PCSK5: variants seen among roughly 807,000 people sequenced by gnomAD.
PCSK5 encodes prohormone convertase 5.
PCSK5 carries 129 observed loss-of-function variants against 233.2 expected under a neutral mutation model. The observed-to-expected ratio is 0.55, with a 90% CI of 0.48 to 0.64. PCSK5 has a LOEUF of 0.64. Among genes scored for constraint, PCSK5 ranks in the 30% least tolerant of loss-of-function variants. PCSK5 has a pLI of 0.00. For synonymous variants in PCSK5, 825 were observed against 879.2 expected, an observed-to-expected ratio of 0.94 and a Z score of 1.09; for missense variants, 2,076 against 2,430.1, an observed-to-expected ratio of 0.85 and a Z score of 3.06.
chr9:76,351,513 A>AAGG (rs1830146479), intron 36 of PCSK5, among the ~76,000 whole-genome samples: 12 of 119,874 alleles, frequency 1.0e-4, no homozygotes, highest in East Asian at 5.3e-4. Flanking sequence ...AGAAAGAAAG[A>AAGG]AAGAAAGAAA....
chr9:76,257,543 G>T (rs1827023876), intron 24 of PCSK5, among the ~76,000 whole-genome samples: 1 of 152,134 alleles, frequency 6.6e-6, no homozygotes, highest in Non-Finnish European at 1.5e-5. Context: ...TTTCCACAAA[G>T]TCTCTCTGCA....
intron 28 of PCSK5, among the ~76,000 whole-genome samples, chr9:76,304,115 T>C (rs1385727420): frequency 2.0e-5 from 3 of 152,260 alleles, no homozygotes; most frequent in African/African-American, 7.2e-5. Context: ...AAGGTTGCAG[T>C]GAGCCAAGAT....
intron 5 of PCSK5, among the ~76,000 whole-genome samples, chr9:76,061,710 CAAAT>C (rs1353337368): frequency 6.6e-6 from 1 of 151,940 alleles, no homozygotes; most frequent in Non-Finnish European, 1.5e-5. Flanking sequence ...TTTTATATCT[CAAAT>C]TATCTAAAAG....
intron 35 of PCSK5, among the ~76,000 whole-genome samples, chr9:76,350,538 T>A (rs1830094306): frequency 6.6e-6 from 1 of 152,230 alleles, no homozygotes; most frequent in African/African-American, 2.4e-5. Flanking sequence ...GAATAAAGGT[T>A]TTATAAACTT....
At chr9:76,125,782 A>G (rs1647086085) in intron 9 of PCSK5, among the ~76,000 whole-genome samples, 1 of 152,204 alleles carries the variant, frequency 6.6e-6, no homozygotes, top group African/African-American at 2.4e-5. Context: ...AAAGAAGCTC[A>G]AGGCTTCCAA....
At chr9:76,317,486 C>A (rs1014953439) in intron 30 of PCSK5, among the ~76,000 whole-genome samples, 1 of 152,186 alleles carries the variant, frequency 6.6e-6, no homozygotes, top group Non-Finnish European at 1.5e-5. Context: ...AATGATTAAA[C>A]GTGTGAGTGC....
chr9:76,122,753 T>A (rs1366771638), intron 9 of PCSK5, among the ~76,000 whole-genome samples: 1 of 151,994 alleles, frequency 6.6e-6, no homozygotes, highest in African/African-American at 2.4e-5. Context: ...TATGTTTTTC[T>A]CCTGACATAA....
chr9:76,033,899 A>G (rs1479521795), intron 5 of PCSK5, among the ~76,000 whole-genome samples: 1 of 152,096 alleles, frequency 6.6e-6, no homozygotes, highest in Non-Finnish European at 1.5e-5. Context: ...TCTTAACACC[A>G]ACATGTTAGG....
chr9:76,342,856 C>A (rs1239713274), intron 35 of PCSK5, among the ~76,000 whole-genome samples: 1 of 152,122 alleles, frequency 6.6e-6, no homozygotes, highest in Non-Finnish European at 1.5e-5. Flanking sequence ...GGCCATTACC[C>A]TCTGCTCCTC....
intron 33 of PCSK5, among the ~76,000 whole-genome samples, chr9:76,331,855 G>C (rs1239584643): frequency 6.6e-6 from 1 of 152,160 alleles, no homozygotes; most frequent in African/African-American, 2.4e-5. Context: ...CCCTCCTAGA[G>C]CCTCTAAAAG....
intron 14 of PCSK5, 98 bp downstream of exon 14, chr9:76,175,227 G>A (rs77068135): frequency 1.9e-4 from 133 of 699,776 alleles, no homozygotes; most frequent in African/African-American, 7.4e-4. Flanking sequence ...GAATGAAATG[G>A]AATGGAATGA....
intron 12 of PCSK5, among the ~76,000 whole-genome samples, chr9:76,169,349 A>T (rs1823229244): frequency 6.6e-6 from 1 of 152,102 alleles, no homozygotes; most frequent in Admixed American, 6.6e-5. Flanking sequence ...GCCTCGTATC[A>T]TTTTGCACTC....
chr9:76,010,115 G>A (rs1190205702), intron 3 of PCSK5, among the ~76,000 whole-genome samples: 2 of 152,128 alleles, frequency 1.3e-5, no homozygotes, highest in Non-Finnish European at 2.9e-5. Flanking sequence ...ACTGATGAGG[G>A]ATATCATACA....
chr9:76,229,070 A>G (rs1825989956), intron 21 of PCSK5, among the ~76,000 whole-genome samples: 1 of 152,354 alleles, frequency 6.6e-6, no homozygotes, highest in South Asian at 2.1e-4. Context: ...ACCGAAGAAG[A>G]CACAAAGGAA....
intron 7 of PCSK5, among the ~76,000 whole-genome samples, chr9:76,090,430 T>TTAGCAGCA (rs1831238916): frequency 1.3e-5 from 2 of 152,222 alleles, no homozygotes; most frequent in South Asian, 4.1e-4. Context: ...GCAGCTGTCT[T>TTAGCAGCA]GATGGCATTT....
At chr9:76,274,290 T>C (rs903325634) in intron 24 of PCSK5, among the ~76,000 whole-genome samples, 2 of 152,164 alleles carry the variant, frequency 1.3e-5, no homozygotes, top group Non-Finnish European at 2.9e-5. Context: ...GTAGTTGTTT[T>C]ACAAACCACA....
At chr9:75,988,149 T>A (rs1419825429) in intron 3 of PCSK5, among the ~76,000 whole-genome samples, 1 of 152,200 alleles carries the variant, frequency 6.6e-6, no homozygotes, top group African/African-American at 2.4e-5. Flanking sequence ...AGAGAAGAGC[T>A]TTTGATTGGC....
At chr9:75,992,989 C>A (rs1826839367) in intron 3 of PCSK5, among the ~76,000 whole-genome samples, 1 of 152,120 alleles carries the variant, frequency 6.6e-6, no homozygotes, top group Non-Finnish European at 1.5e-5. Flanking sequence ...ATGGCTTTTT[C>A]TCAGCCAACT....
intron 24 of PCSK5, among the ~76,000 whole-genome samples, chr9:76,261,177 T>C (rs567160659): frequency 3.3e-5 from 5 of 152,268 alleles, no homozygotes; most frequent in Non-Finnish European, 7.4e-5. Flanking sequence ...CTTCCTGAGG[T>C]GATGTCTTAA....
Sources: allele counts gnomAD v4.1 joint callset (sites outside exome capture counted in the v4.1 genomes callset), GRCh38; gene constraint gnomAD v4.1.1; transcripts MANE v1.5; gene names NCBI Gene and HGNC (gene_info 2026-07-23, HGNC 2026-07-21).